The following KDM2B variants were observed in gnomAD, a reference collection of about 807,000 sequenced individuals.
KDM2B encodes the protein lysine-specific demethylase 2B.
Under a neutral mutation model 150.0 loss-of-function variants are expected in KDM2B, and 26 were observed. That is an observed-to-expected ratio of 0.17 (90% CI 0.13 to 0.24). The LOEUF is 0.24. KDM2B is among the 10% of genes least tolerant of loss of function. The pLI, the probability that KDM2B is intolerant of heterozygous loss-of-function variation, is 1.00. For missense variants in KDM2B, 1,265 were observed against 1,816.9 expected, an observed-to-expected ratio of 0.70 and a Z score of 5.52; for synonymous variants, 734 against 729.5, an observed-to-expected ratio of 1.01 and a Z score of -0.10.
chr12:121,439,712 C>T, intron 22 of KDM2B, 145 bp downstream of exon 22: 1 of 664,954 alleles, frequency 1.5e-6, no homozygotes. Context: ...TGTTTCCCCC[C>T]TGGACTGGGC....
chr12:121,476,452 G>A (rs782264089), intron 12 of KDM2B, among the ~76,000 whole-genome samples: 3 of 151,512 alleles, frequency 2.0e-5, no homozygotes, highest in Non-Finnish European at 4.4e-5. Flanking sequence ...CAAGACAAGC[G>A]GCATCCAACA....
chr12:121,433,804 T>C (rs571403255), intron 22 of KDM2B, among the ~76,000 whole-genome samples: 2 of 152,286 alleles, frequency 1.3e-5, no homozygotes, highest in Admixed American at 1.3e-4. Context: ...TGAGCTAATC[T>C]GAAGCTGAGG....
chr12:121,417,372 T>G, the KDM2B span: 1 of 715,006 alleles, frequency 1.4e-6, no homozygotes. The surrounding 1 kb of genome is among the most constrained non-coding windows in gnomAD (Gnocchi z 5.0). Flanking sequence ...TGAAAATACC[T>G]CTGGAAATAG....
At chr12:121,421,200 A>C in the KDM2B span, among the ~76,000 whole-genome samples, 53 of 152,012 alleles carry the variant, frequency 3.5e-4, no homozygotes, top group African/African-American at 9.9e-4. Context: ...AGCATCAACT[A>C]TCTGTAGATT....
chr12:121,555,141 C>A (rs782376686), intron 4 of KDM2B, among the ~76,000 whole-genome samples: 3 of 151,916 alleles, frequency 2.0e-5, no homozygotes, highest in Non-Finnish European at 4.4e-5. Context: ...CCACTGCACT[C>A]CAGCCTAGGT....
chr12:121,444,924 G>A, intron 14 of KDM2B: 2 of 406,186 alleles, frequency 4.9e-6, no homozygotes, highest in Non-Finnish European at 4.5e-6. Context: ...GGGAAGGAGT[G>A]TGGTGTGGGG....
chr12:121,569,622 A>G (rs1237635784), intron 4 of KDM2B, among the ~76,000 whole-genome samples: 2 of 152,146 alleles, frequency 1.3e-5, no homozygotes, highest in Non-Finnish European at 2.9e-5. Context: ...AATGTGCCCT[A>G]TCACCACTCT....
intron 6 of KDM2B, among the ~76,000 whole-genome samples, chr12:121,536,784 C>G (rs1283137247): frequency 1.3e-5 from 2 of 151,884 alleles, no homozygotes; most frequent in African/African-American, 4.8e-5. Context: ...ACGTGCTTCT[C>G]TTGTCGACAG....
chr12:121,455,300 C>T (rs554974455), intron 12 of KDM2B, among the ~76,000 whole-genome samples: 1 of 152,310 alleles, frequency 6.6e-6, no homozygotes, highest in East Asian at 1.9e-4. Flanking sequence ...CATGCCTGCC[C>T]TCTGCTCTGG....
chr12:121,529,842 A>G (rs1887479171), intron 8 of KDM2B, among the ~76,000 whole-genome samples: 1 of 151,328 alleles, frequency 6.6e-6, no homozygotes, highest in South Asian at 2.1e-4. Context: ...AGGCAGGAGA[A>G]TCGCTTGAAC....
intron 12 of KDM2B, among the ~76,000 whole-genome samples, chr12:121,460,719 C>T (rs1878993966): frequency 6.6e-6 from 1 of 152,054 alleles, no homozygotes; most frequent in Non-Finnish European, 1.5e-5. Flanking sequence ...AAAGGTAACA[C>T]TTACTTAAGT....
In KDM2B at chr12:121,443,718, G is replaced by C. The variant is rs782149040; in HGVS notation, c.2527C>G (p.Pro843Ala). 1 of 1,611,926 alleles carries C rather than the reference G, an allele frequency of 6.2e-7. No homozygotes were observed. Among genetic ancestry groups the C allele is most frequent in the Non-Finnish European group, 8.5e-7 (1 of 1,179,764 alleles). Residue 843 changes from proline to alanine, a missense_variant, in exon 17 of 23, where the codon CCC (proline) becomes GCC (alanine). By Grantham distance (27) the Pro-to-Ala change is conservative. Coordinates refer to ENST00000377071, the MANE Select transcript of KDM2B (RefSeq NM_032590.5). ...TAAGTGAGACTGGATCTCCACCAGGGGCTGAGGCTGCTGCCTAGAGGGGGC... is the reference window on the plus strand; with the variant it reads ...TAAGTGAGACTGGATCTCCACCAGGCGCTGAGGCTGCTGCCTAGAGGGGGC... ...PRPPLGSSLS[P>A]WWRSSLTYFQ...
Position 121,580,220 on chromosome 12 carries a change from G to A in KDM2B, c.126+566C>T. On this transcript the variant is annotated intron_variant, in intron 1 of 22. Transcript: ENST00000377071. ...CACCAACACTTAGGCAGATCCGTTT[G>A]CAAAGTCCTAGGAAACCATTTTCAG... is the stretch of plus-strand genomic sequence containing the variant. 10 of 1,374,446 alleles carry A rather than the reference G, an allele frequency of 7.3e-6. No individual in the cohort carries two copies. In the South Asian group the frequency reaches 1.5e-4, roughly 21 times the overall value. The allele number at this position is 1,374,446 out of a possible 1,614,324, so 85.1% of individuals were successfully genotyped here.
chr12:121,579,943 C>CAAAAA, intron 1 of KDM2B: 8 of 1,107,256 alleles, frequency 7.2e-6, no homozygotes, highest in South Asian at 1.7e-5. Context: ...GAGAAACAAC[C>CAAAAA]AAAAAAAAAA....
chr12:121,437,103 T>C (rs1555286957), intron 22 of KDM2B, among the ~76,000 whole-genome samples: 1 of 150,198 alleles, frequency 6.7e-6, no homozygotes, highest in African/African-American at 2.5e-5. Flanking sequence ...ACCAAAGGAG[T>C]CCAGGATGGC....
intron 13 of KDM2B, among the ~76,000 whole-genome samples, chr12:121,446,028 C>G (rs893240732): frequency 6.6e-6 from 1 of 152,138 alleles, no homozygotes; most frequent in East Asian, 1.9e-4. Flanking sequence ...AAACTCCTGG[C>G]CCCTCAGCAC....
intron 9 of KDM2B, among the ~76,000 whole-genome samples, chr12:121,514,589 G>T (rs1434575592): frequency 6.6e-6 from 1 of 151,686 alleles, no homozygotes; most frequent in Non-Finnish European, 1.5e-5. Context: ...CTTGCTCCCT[G>T]GCTCTCTTGC....
At chr12:121,476,185 C>T (rs1015861975) in intron 12 of KDM2B, among the ~76,000 whole-genome samples, 1 of 152,028 alleles carries the variant, frequency 6.6e-6, no homozygotes, top group Non-Finnish European at 1.5e-5. Context: ...ATCCCAGCTA[C>T]TCGGGAGGCT....
chr12:121,569,442 C>T (rs1401855416), intron 4 of KDM2B, among the ~76,000 whole-genome samples: 2 of 152,034 alleles, frequency 1.3e-5, no homozygotes, highest in East Asian at 1.9e-4. Flanking sequence ...AAGAGGGAGT[C>T]GAAGTGGGAA....
Sources: gnomAD v4.1 joint callset for allele counts (sites outside exome capture counted in the v4.1 genomes callset) on GRCh38, gnomAD v4.1.1 for gene constraint, Gnocchi (gnomAD v3.1) non-coding constraint, MANE v1.5 for transcripts, NCBI Gene and HGNC (gene_info 2026-07-23, HGNC 2026-07-21) for gene names.